Variants in MAP2 observed in about 807,000 individuals in gnomAD.
The protein encoded by MAP2 is microtubule-associated protein 2.
MAP2 carries 14 observed loss-of-function variants against 137.6 expected under a neutral mutation model. The ratio of observed to expected loss-of-function variants is 0.10; its 90% CI spans 0.07 to 0.16. The LOEUF is 0.16. MAP2 is among the 10% of genes least tolerant of loss of function. The pLI is 1.00. For missense variants in MAP2, 2,088 were observed against 2,191.5 expected (o/e 0.95, Z 0.94); for synonymous variants, 786 against 782.3 (o/e 1.00, Z -0.08).
intron 5 of MAP2, among the ~76,000 whole-genome samples, chr2:209,664,757 C>T (rs1249029117): frequency 1.3e-5 from 2 of 151,914 alleles, no homozygotes; most frequent in South Asian, 2.1e-4. Flanking sequence ...GTCAGGAGAT[C>T]GGGACTATCC....
intron 5 of MAP2, among the ~76,000 whole-genome samples, chr2:209,670,353 G>A (rs982358416): frequency 2.0e-5 from 3 of 151,908 alleles, no homozygotes; most frequent in Admixed American, 6.6e-5. Context: ...AAATTGTAAC[G>A]ATACTGGCTT....
intron 2 of MAP2, among the ~76,000 whole-genome samples, chr2:209,525,973 TTC>T (rs1328742480): frequency 6.6e-6 from 1 of 152,162 alleles, no homozygotes; most frequent in Non-Finnish European, 1.5e-5. Context: ...CCCCATTACA[TTC>T]TGTTTCTTTT....
At chr2:209,606,661 C>G (rs924292295) in intron 3 of MAP2, among the ~76,000 whole-genome samples, 4 of 152,084 alleles carry the variant, frequency 2.6e-5, no homozygotes, top group Admixed American at 2.0e-4. Flanking sequence ...AAATCTGTAC[C>G]AATCCATTCT....
At chr2:209,624,227 G>A (rs141245392) in intron 3 of MAP2, among the ~76,000 whole-genome samples, 81 of 152,170 alleles carry the variant, frequency 5.3e-4, no homozygotes, top group African/African-American at 1.9e-3. Context: ...AGATATGACG[G>A]GGTCCACTCT....
chr2:209,599,275 G>A (rs1023732207), intron 3 of MAP2, among the ~76,000 whole-genome samples: 92 of 151,846 alleles, frequency 6.1e-4, no homozygotes, highest in African/African-American at 1.9e-3. Flanking sequence ...CATGTCCTTC[G>A]CCCACTTTTT....
In MAP2 at chr2:209,542,821, T is replaced by G. The variant is rs139111539; in HGVS notation, c.-172+35180T>G. ...GCCTTTCTCTGGATTAGGCTTTGGC[T>G]TAAGGGAATGTTGTGGATAGTTTGG... On this transcript the variant is annotated intron_variant, in intron 2 of 15. Coordinates refer to ENST00000682079, the MANE Select transcript of MAP2 (RefSeq NM_001375505.1). Among the ~76,000 whole-genome samples, 1,455 of 152,344 alleles carry G rather than the reference T, an allele frequency of 9.6e-3. 17 individuals carry two copies. Among genetic ancestry groups the G allele is most frequent in the African/African-American group, 0.034 (1,397 of 41,578 alleles).
At chr2:209,444,321 T>G (rs923184019) in intron 1 of MAP2, among the ~76,000 whole-genome samples, 3 of 151,708 alleles carry the variant, frequency 2.0e-5, no homozygotes, top group African/African-American at 7.2e-5. Flanking sequence ...TTAATTATAT[T>G]ACTCAGTCTC....
intron 1 of MAP2, among the ~76,000 whole-genome samples, chr2:209,428,803 A>C (rs906415487): frequency 6.6e-6 from 1 of 152,098 alleles, no homozygotes; most frequent in African/African-American, 2.4e-5. Context: ...CCAGAAGAAA[A>C]GTTACTACCC....
chr2:209,428,381 C>A (rs901170269), intron 1 of MAP2, among the ~76,000 whole-genome samples: 3 of 130,966 alleles, frequency 2.3e-5, no homozygotes, highest in African/African-American at 8.1e-5. Flanking sequence ...GGGCAAATTT[C>A]TTTTTTTTTT....
chr2:209,595,723 A>G (rs2081083945), intron 3 of MAP2, among the ~76,000 whole-genome samples: 1 of 152,244 alleles, frequency 6.6e-6, no homozygotes, highest in Non-Finnish European at 1.5e-5. Context: ...CACCAGTGAT[A>G]GACTGGATTA....
intron 1 of MAP2, among the ~76,000 whole-genome samples, chr2:209,434,603 T>A (rs958882810): frequency 1.3e-5 from 2 of 151,228 alleles, no homozygotes; most frequent in Admixed American, 6.6e-5. Flanking sequence ...ATTTTGGGAG[T>A]CTGAGGCAAG....
intron 1 of MAP2, among the ~76,000 whole-genome samples, chr2:209,431,455 G>A (rs188577016): frequency 8.5e-5 from 13 of 152,094 alleles, no homozygotes; most frequent in Non-Finnish European, 5.9e-5. Context: ...CTTTATTTCT[G>A]TGCCTCTGCC....
chr2:209,563,695 C>T (rs35568286), intron 2 of MAP2, among the ~76,000 whole-genome samples: 9,628 of 152,208 alleles, frequency 0.063, 691 homozygotes, highest in South Asian at 0.23. Flanking sequence ...CCCTTGTGGG[C>T]GCTGGCTGTG....
chr2:209,513,084 TAAAA>T (rs750301721), intron 2 of MAP2, among the ~76,000 whole-genome samples: 4 of 152,090 alleles, frequency 2.6e-5, no homozygotes, highest in Non-Finnish European at 5.9e-5. Flanking sequence ...GACTTGCACT[TAAAA>T]AAAGTGTAGA....
Position 209,510,488 on chromosome 2 carries a change from A to G in MAP2, c.-172+2847A>G, listed in dbSNP as rs541552410. On this transcript the variant is annotated intron_variant, in intron 2 of 15. Transcript: ENST00000682079. ...GTAGAAGTGGGATTATGTAGTGTAA[A>G]GAAATAAATATATTTGAGGTGAGTA... Among the ~76,000 whole-genome samples the G allele has an allele frequency of 6.0e-4, 91 of 152,212 alleles. No homozygotes were observed. The Middle Eastern group carries it at 0.01, about 17-fold the overall frequency.
At chr2:209,571,873 C>A (rs543921593) in intron 2 of MAP2, among the ~76,000 whole-genome samples, 141 of 152,024 alleles carry the variant, frequency 9.3e-4, no homozygotes, top group Non-Finnish European at 1.6e-3. Context: ...ACCTGTCTTT[C>A]TTTCTCTCTC....
chr2:209,703,049 G>T (rs1473230889), intron 11 of MAP2, among the ~76,000 whole-genome samples: 1 of 152,016 alleles, frequency 6.6e-6, no homozygotes, highest in Non-Finnish European at 1.5e-5. Flanking sequence ...AATTATACTT[G>T]CAGACAGTCT....
chr2:209,639,995 G>C (rs2093885105), intron 4 of MAP2, among the ~76,000 whole-genome samples: 1 of 152,086 alleles, frequency 6.6e-6, no homozygotes, highest in Non-Finnish European at 1.5e-5. Context: ...TATCTTTCTA[G>C]AAAGTGTTGC....
intron 1 of MAP2, among the ~76,000 whole-genome samples, chr2:209,430,524 C>T (rs908815148): frequency 2.6e-5 from 4 of 151,756 alleles, no homozygotes; most frequent in Admixed American, 2.0e-4. Flanking sequence ...AAACAATGAC[C>T]AAGTATTTAT....
Sources: allele counts gnomAD v4.1 joint callset (sites outside exome capture counted in the v4.1 genomes callset), GRCh38; gene constraint gnomAD v4.1.1; transcripts MANE v1.5; gene names NCBI Gene and HGNC (gene_info 2026-07-23, HGNC 2026-07-21).